C8orf34: variants seen among roughly 807,000 people sequenced by gnomAD.
C8orf34 encodes the protein uncharacterized protein C8orf34.
A neutral mutation model predicts 68.3 loss-of-function variants in C8orf34; 65 were observed. That is an observed-to-expected ratio of 0.95 (90% CI 0.78 to 1.17). The LOEUF (loss-of-function observed/expected upper bound fraction) is 1.17, where lower values mean the gene tolerates loss of function less well. Among genes scored for constraint, C8orf34 ranks in the 50% most tolerant of loss-of-function variants. The probability of loss-of-function intolerance (pLI) is 0.00; values close to 1 mark genes in which losing one functional copy is unlikely to be tolerated. For missense variants in C8orf34, 664 were observed against 655.4 expected (o/e 1.01, Z -0.14); for synonymous variants, 244 against 241.2 (o/e 1.01, Z -0.11).
intron 7 of C8orf34, among the ~76,000 whole-genome samples, chr8:68,582,007 C>T (rs926888571): frequency 1.3e-5 from 2 of 151,754 alleles, no homozygotes; most frequent in Admixed American, 6.6e-5. Flanking sequence ...AATTGTTTTC[C>T]CCTGTAGAGG....
chr8:68,748,730 G>T (rs2129527540), intron 10 of C8orf34, among the ~76,000 whole-genome samples: 1 of 152,174 alleles, frequency 6.6e-6, no homozygotes, highest in South Asian at 2.1e-4. Flanking sequence ...TAAAAAGTCA[G>T]GAAACAACAG....
At chr8:68,481,202 GC>G (rs1303908746) in intron 4 of C8orf34, among the ~76,000 whole-genome samples, 1 of 152,232 alleles carries the variant, frequency 6.6e-6, no homozygotes, top group Non-Finnish European at 1.5e-5. Context: ...TAAGCCCCAA[GC>G]CTTGGCAGCT....
chr8:68,712,518 C>A (rs762002055), intron 9 of C8orf34, among the ~76,000 whole-genome samples: 13 of 151,998 alleles, frequency 8.6e-5, no homozygotes, highest in Non-Finnish European at 1.2e-4. Flanking sequence ...CAAATGGACA[C>A]CAAAAGTGAG....
intron 8 of C8orf34, among the ~76,000 whole-genome samples, chr8:68,683,818 A>C (rs1169287986): frequency 6.6e-6 from 1 of 152,132 alleles, no homozygotes; most frequent in Non-Finnish European, 1.5e-5. Context: ...AAATCAGAAA[A>C]ATAGTCCATG....
intron 8 of C8orf34, among the ~76,000 whole-genome samples, chr8:68,685,185 C>G (rs946764595): frequency 5.3e-5 from 8 of 152,082 alleles, no homozygotes; most frequent in Non-Finnish European, 1.2e-4. Flanking sequence ...TTTCCTCTTT[C>G]TCTATCATTT....
chr8:68,776,774 C>T (rs1477523080), intron 11 of C8orf34, among the ~76,000 whole-genome samples: 1 of 151,892 alleles, frequency 6.6e-6, no homozygotes, highest in Non-Finnish European at 1.5e-5. Context: ...GGAGTGTGCA[C>T]AAAAAAAGAC....
At chr8:68,500,623 C>T (rs181517372) in intron 5 of C8orf34, among the ~76,000 whole-genome samples, 16 of 152,194 alleles carry the variant, frequency 1.1e-4, no homozygotes, top group Non-Finnish European at 2.1e-4. Flanking sequence ...AGAGAACCCT[C>T]ACCCACACAC....
At chr8:68,566,394 T>C (rs1816589901) in intron 7 of C8orf34, among the ~76,000 whole-genome samples, 1 of 152,302 alleles carries the variant, frequency 6.6e-6, no homozygotes, top group African/African-American at 2.4e-5. Context: ...CTCCCACTTA[T>C]AAGAGAGAAC....
intron 1 of C8orf34, among the ~76,000 whole-genome samples, chr8:68,396,453 C>G (rs1269889811): frequency 6.6e-6 from 1 of 151,904 alleles, no homozygotes; most frequent in Non-Finnish European, 1.5e-5. Flanking sequence ...CAAGAAAGCT[C>G]TACCACATCA....
intron 10 of C8orf34, among the ~76,000 whole-genome samples, chr8:68,773,397 T>A (rs1354655150): frequency 1.3e-5 from 2 of 152,176 alleles, no homozygotes; most frequent in East Asian, 3.9e-4. Flanking sequence ...TTTATTTTTA[T>A]TTTTATTTTA....
chr8:68,568,779 A>G (rs1426410021), intron 7 of C8orf34, among the ~76,000 whole-genome samples: 1 of 152,222 alleles, frequency 6.6e-6, no homozygotes, highest in Non-Finnish European at 1.5e-5. Context: ...AAACTGAGCC[A>G]CTAAAAAGGA....
chr8:68,376,082 T>C (rs1198253669), intron 1 of C8orf34, among the ~76,000 whole-genome samples: 1 of 152,092 alleles, frequency 6.6e-6, no homozygotes, highest in Non-Finnish European at 1.5e-5. Flanking sequence ...CCTGTCCTTT[T>C]CCTGTTCTTT....
At chr8:68,444,998 A>T (rs1349964938) in intron 2 of C8orf34, among the ~76,000 whole-genome samples, 2 of 152,230 alleles carry the variant, frequency 1.3e-5, no homozygotes, top group Non-Finnish European at 2.9e-5. Context: ...TCCAAGGTTG[A>T]GGTGGACACC....
chr8:68,551,960 T>C (rs1269820234), intron 7 of C8orf34, among the ~76,000 whole-genome samples: 10 of 152,180 alleles, frequency 6.6e-5, no homozygotes, highest in Admixed American at 6.5e-4. Context: ...GAGTCCCACA[T>C]GCAAAACACC....
chr8:68,461,640 C>G (rs2129629022), intron 3 of C8orf34, among the ~76,000 whole-genome samples: 1 of 152,308 alleles, frequency 6.6e-6, no homozygotes, highest in East Asian at 1.9e-4. Flanking sequence ...CAATATTCAA[C>G]ATTGTTAAAG....
intron 4 of C8orf34, among the ~76,000 whole-genome samples, chr8:68,470,582 G>A (rs755389995): frequency 6.6e-6 from 1 of 152,026 alleles, no homozygotes; most frequent in Non-Finnish European, 1.5e-5. Context: ...TACCCTGTTT[G>A]GGCTGCTATA....
At chr8:68,617,804 T>A (rs927788123) in intron 7 of C8orf34, among the ~76,000 whole-genome samples, 13 of 152,172 alleles carry the variant, frequency 8.5e-5, no homozygotes, top group East Asian at 1.9e-4. Context: ...TGGAGTTCTC[T>A]GTATTTCCTG....
At chr8:68,545,179 C>A (rs1301858494) in intron 7 of C8orf34, among the ~76,000 whole-genome samples, 1 of 151,988 alleles carries the variant, frequency 6.6e-6, no homozygotes, top group South Asian at 2.1e-4. Context: ...ATCCTGGGGG[C>A]GGTTTTCCCC....
chr8:68,556,379 A>G (rs1050752374), intron 7 of C8orf34, among the ~76,000 whole-genome samples: 1 of 151,690 alleles, frequency 6.6e-6, no homozygotes, highest in Admixed American at 6.6e-5. Context: ...AGATACTAAA[A>G]CTACTATGAA....
Sources: allele counts gnomAD v4.1 joint callset (sites outside exome capture counted in the v4.1 genomes callset), GRCh38; gene constraint gnomAD v4.1.1; transcripts MANE v1.5; gene names NCBI Gene and HGNC (gene_info 2026-07-23, HGNC 2026-07-21).